Variants in PARD3B observed in about 807,000 individuals in gnomAD.
PARD3B encodes partitioning defective 3 homolog B.
PARD3B carries 103 observed loss-of-function variants against 130.2 expected under a neutral mutation model. That is an observed-to-expected ratio of 0.79 (90% CI 0.67 to 0.93). PARD3B has a LOEUF of 0.93. Among genes scored for constraint, PARD3B ranks in the 40% least tolerant of loss-of-function variants. PARD3B has a pLI of 0.00. For synonymous variants in PARD3B, 583 were observed against 553.2 expected, an observed-to-expected ratio of 1.05 and a Z score of -0.76; for missense variants, 1,609 against 1,499.2, an observed-to-expected ratio of 1.07 and a Z score of -1.21.
chr2:205,369,877 T>C (rs2044744495), intron 18 of PARD3B, among the ~76,000 whole-genome samples: 1 of 152,208 alleles, frequency 6.6e-6, no homozygotes, highest in South Asian at 2.1e-4. Context: ...ATTAATAAAA[T>C]AGAGATTATA....
chr2:205,324,063 C>T lies in PARD3B; in HGVS notation c.2630+22362C>T, dbSNP rs570980912. ...TATGTTTAGATACTTTCTTGAGTTT[C>T]ATACCCCAAGACTGTATTACACACC... is the stretch of plus-strand genomic sequence containing the variant. On this transcript the variant is annotated intron_variant, in intron 18 of 22. Coordinates refer to ENST00000406610, the MANE Select transcript of PARD3B (RefSeq NM_001302769.2). Among the ~76,000 whole-genome samples the T allele has an allele frequency of 4.6e-5, 7 of 152,230 alleles. No homozygotes were observed. The South Asian group carries it at 1.5e-3, about 32-fold the overall frequency.
intron 22 of PARD3B, among the ~76,000 whole-genome samples, chr2:205,556,024 G>A (rs1015019563): frequency 2.0e-5 from 3 of 152,096 alleles, no homozygotes; most frequent in Admixed American, 6.6e-5. Flanking sequence ...TGGTTTTCTT[G>A]TCTTTCCCCC....
intron 10 of PARD3B, among the ~76,000 whole-genome samples, chr2:205,147,806 C>T (rs2033470097): frequency 1.3e-5 from 2 of 152,064 alleles, no homozygotes; most frequent in Admixed American, 6.6e-5. Context: ...AAAGTAAATA[C>T]CAGAGCTGGT....
chr2:205,461,556 C>T lies in PARD3B; in HGVS notation c.3044+20884C>T, dbSNP rs1201918317. 6.6e-6 allele frequency among the ~76,000 whole-genome samples: 1 copy of T among 152,200 alleles called. No individual in the cohort carries two copies. The highest frequency in any genetic ancestry group is 1.5e-5 in the Non-Finnish European group (1 of 68,032). On this transcript the variant is annotated intron_variant, in intron 20 of 22. Coordinates refer to ENST00000406610, the MANE Select transcript of PARD3B (RefSeq NM_001302769.2). This position sits in a 1 kb window ranked among gnomAD's most constrained non-coding sequence, Gnocchi z 4.3. ...CACCCTCTACCTCCCAGAGACCTAACCTATTTCCCTATCACTTATTTTCAG... is the reference window on the plus strand; with the variant it reads ...CACCCTCTACCTCCCAGAGACCTAATCTATTTCCCTATCACTTATTTTCAG...
At chr2:205,052,057 T>C (rs1256369900) in intron 4 of PARD3B, among the ~76,000 whole-genome samples, 1 of 152,120 alleles carries the variant, frequency 6.6e-6, no homozygotes, top group Non-Finnish European at 1.5e-5. Context: ...ACCTTCCTTT[T>C]CTTGATTGTA....
intron 4 of PARD3B, among the ~76,000 whole-genome samples, chr2:205,098,509 C>T (rs952488766): frequency 6.6e-6 from 1 of 152,102 alleles, no homozygotes; most frequent in South Asian, 2.1e-4. Flanking sequence ...CGACACTAGA[C>T]CAGGGAAATT....
chr2:205,598,845 A>G (rs2054670037), intron 22 of PARD3B, among the ~76,000 whole-genome samples: 1 of 152,240 alleles, frequency 6.6e-6, no homozygotes, highest in African/African-American at 2.4e-5. Context: ...TGGAAATTAA[A>G]CAACTTGCTC....
chr2:204,580,314 T>C (rs768062182), intron 1 of PARD3B, among the ~76,000 whole-genome samples: 11 of 152,218 alleles, frequency 7.2e-5, no homozygotes, highest in East Asian at 1.9e-4. Context: ...CCATGTTTTT[T>C]TTCCCTCTTA....
chr2:205,245,704 A>G, intron 15 of PARD3B, 74 bp from the exon 16 acceptor site: 1 of 1,200,466 alleles, frequency 8.3e-7, no homozygotes, highest in African/African-American at 1.5e-5. Flanking sequence ...ATGAATCTGC[A>G]TTAATTTACT....
intron 19 of PARD3B, among the ~76,000 whole-genome samples, chr2:205,434,064 G>A (rs1322691453): frequency 2.6e-5 from 4 of 152,130 alleles, no homozygotes; most frequent in African/African-American, 9.7e-5. Context: ...GTCTAGTTTT[G>A]AAAGAACTCC....
chr2:205,332,188 C>T (rs1489001585), intron 18 of PARD3B, among the ~76,000 whole-genome samples: 1 of 152,176 alleles, frequency 6.6e-6, no homozygotes, highest in Non-Finnish European at 1.5e-5. Context: ...CTGTCAGTCT[C>T]CAACTTTGCT....
At chr2:205,527,176 G>A (rs1394140928) in intron 21 of PARD3B, among the ~76,000 whole-genome samples, 1 of 152,132 alleles carries the variant, frequency 6.6e-6, no homozygotes, top group Non-Finnish European at 1.5e-5. Context: ...GTGAAGTATG[G>A]CTTCCAGAAA....
intron 2 of PARD3B, among the ~76,000 whole-genome samples, chr2:204,845,834 T>C (rs1406134660): frequency 6.6e-6 from 1 of 152,138 alleles, no homozygotes; most frequent in Non-Finnish European, 1.5e-5. Context: ...TGTATAGATA[T>C]AAGTGATCTG....
chr2:205,106,649 C>G (rs1354108602), intron 5 of PARD3B, among the ~76,000 whole-genome samples: 1 of 152,036 alleles, frequency 6.6e-6, no homozygotes, highest in African/African-American at 2.4e-5. Flanking sequence ...ACCCACCACT[C>G]TTGTCTACAA....
intron 2 of PARD3B, among the ~76,000 whole-genome samples, chr2:204,748,295 G>T (rs1203806971): frequency 1.3e-5 from 2 of 152,068 alleles, no homozygotes; most frequent in Non-Finnish European, 2.9e-5. Context: ...CATGTGGAAT[G>T]ATCTGAGATT....
At chr2:204,730,701 A>G (rs1368142323) in intron 2 of PARD3B, among the ~76,000 whole-genome samples, 1 of 152,124 alleles carries the variant, frequency 6.6e-6, no homozygotes, top group Non-Finnish European at 1.5e-5. Flanking sequence ...TTAAACACAG[A>G]TGGAATATTT....
intron 2 of PARD3B, among the ~76,000 whole-genome samples, chr2:204,771,485 C>T (rs1398918322): frequency 6.6e-6 from 1 of 151,962 alleles, no homozygotes; most frequent in Non-Finnish European, 1.5e-5. Context: ...GTTTTATGGA[C>T]ATAAAGATGG....
At chr2:204,637,862 A>T (rs968159933) in intron 1 of PARD3B, among the ~76,000 whole-genome samples, 1 of 152,094 alleles carries the variant, frequency 6.6e-6, no homozygotes. Flanking sequence ...AAGAATGCAC[A>T]GTGTACTGCA....
At chr2:204,762,116 A>ATTTTTTTTTTTTTTTTTTTTTTTTCTT (rs968166780) in intron 2 of PARD3B, among the ~76,000 whole-genome samples, 1 of 95,378 alleles carries the variant, frequency 1.0e-5, no homozygotes, top group Non-Finnish European at 2.1e-5. Flanking sequence ...TTCTTTTTCT[A>ATTTTTTTTTTTTTTTTTTTTTTTTCTT]TTTTTTTTTT....
Sources: gnomAD v4.1 joint callset for allele counts (sites outside exome capture counted in the v4.1 genomes callset) on GRCh38, gnomAD v4.1.1 for gene constraint, Gnocchi (gnomAD v3.1) non-coding constraint, MANE v1.5 for transcripts, NCBI Gene and HGNC (gene_info 2026-07-23, HGNC 2026-07-21) for gene names.